Variants in RILPL1 observed in about 807,000 individuals in gnomAD.
RILPL1 encodes Rab interacting lysosomal protein like 1, also known as RILP-like protein 1.
Under a neutral mutation model 50.3 loss-of-function variants are expected in RILPL1, and 33 were observed. The ratio of observed to expected loss-of-function variants is 0.66; its 90% CI spans 0.50 to 0.88. RILPL1 has a LOEUF of 0.88. Among genes scored for constraint, RILPL1 ranks in the 40% least tolerant of loss-of-function variants. The pLI, the probability that RILPL1 is intolerant of heterozygous loss-of-function variation, is 0.00. For missense variants in RILPL1, 418 were observed against 542.5 expected (o/e 0.77, Z 2.28); for synonymous variants, 205 against 228.6 (o/e 0.90, Z 0.93).
Position 123,533,100 on chromosome 12 carries a change from C to G in RILPL1, c.309+74G>C. 7.2e-7 allele frequency: 1 copy of G among 1,383,432 alleles called. No homozygotes were observed. The highest frequency in any genetic ancestry group is 1.4e-5 in the South Asian group (1 of 71,880). The allele number at this position is 1,383,432 out of a possible 1,614,324, so 85.7% of individuals were successfully genotyped here. A position where few individuals can be genotyped will look rare whatever the true frequency, so the allele number is the denominator to read the frequency against. ...AACACACACACGTGCGCACCCACAG[C>G]TGCCCAATGCGGAAGAGCCCTTGGG... On this transcript the variant is annotated intron_variant, in intron 1 of 6. Coordinates refer to ENST00000376874, the MANE Select transcript of RILPL1 (RefSeq NM_178314.5). The surrounding 1 kb of genome is among the most constrained non-coding windows in gnomAD (Gnocchi z 6.2).
rs986748369 is a variant in RILPL1, at chr12:123,533,468, C to A, written c.15G>T (p.Arg5=). MEEE[R]GSALAAESAL... is the part of the protein sequence containing the mutation. ...CCGACTCGGCCGCCAGCGCCGACCC[C>A]CGCTCCTCCTCCATGGCCACCCTCC... The change falls in exon 1 of 7, where the codon CGG becomes CGT. Residue 5 remains arginine (R), a synonymous_variant. Coordinates refer to ENST00000376874, the MANE Select transcript of RILPL1 (RefSeq NM_178314.5). The surrounding 1 kb of genome is among the most constrained non-coding windows in gnomAD (Gnocchi z 6.2). The A allele has an allele frequency of 3.9e-6, 6 of 1,527,126 alleles. No individual in the cohort carries two copies. Among genetic ancestry groups the A allele is most frequent in the East Asian group, 4.9e-5 (2 of 40,438 alleles). 94.6% of individuals were successfully genotyped at this position (1,527,126 alleles called of 1,614,324 possible).
intron 2 of RILPL1, among the ~76,000 whole-genome samples, chr12:123,504,839 C>T (rs534942667): frequency 1.3e-5 from 2 of 152,154 alleles, no homozygotes; most frequent in African/African-American, 2.4e-5. Context: ...CTCCAGATCC[C>T]GTGTCTTCTC....
intron 2 of RILPL1, among the ~76,000 whole-genome samples, chr12:123,509,189 A>G (rs1253011224): frequency 6.6e-6 from 1 of 152,158 alleles, no homozygotes; most frequent in African/African-American, 2.4e-5. Flanking sequence ...AGTGGAAGCA[A>G]GCTAAATGTC....
At chr12:123,506,357 A>G (rs28497891) in intron 2 of RILPL1, among the ~76,000 whole-genome samples, 45,690 of 152,154 alleles carry the variant, frequency 0.3, 8,099 homozygotes, top group African/African-American at 0.49. Context: ...GCCTTAAGGC[A>G]TGGGTCAGGG....
At chr12:123,497,833 T>C (rs569939896) in intron 4 of RILPL1, among the ~76,000 whole-genome samples, 8 of 152,316 alleles carry the variant, frequency 5.3e-5, no homozygotes, top group African/African-American at 1.4e-4. Flanking sequence ...GGATTACAAG[T>C]GCAGGTGACC....
intron 6 of RILPL1, among the ~76,000 whole-genome samples, chr12:123,479,680 C>T (rs917503009): frequency 4.6e-5 from 7 of 152,198 alleles, no homozygotes; most frequent in Admixed American, 3.9e-4. Context: ...TCCCAGTTAT[C>T]CCCCAGCAAG....
intron 2 of RILPL1, among the ~76,000 whole-genome samples, chr12:123,503,602 G>A (rs1324714440): frequency 6.6e-6 from 1 of 151,920 alleles, no homozygotes; most frequent in East Asian, 1.9e-4. Flanking sequence ...GTGGTCCCGT[G>A]GCCTTCTCCT....
In RILPL1 at chr12:123,475,708, T is replaced by C. The variant is rs748245538; in HGVS notation, c.1068-3026A>G. ...CAGGCTGCAGTGTGGGGTCATCTAT[T>C]ATCAGTCCCGCTGCTACCATAGGCA... is the stretch of plus-strand genomic sequence containing the variant. On this transcript the variant is annotated intron_variant, in intron 6 of 6. Transcript: ENST00000376874. 17 of 1,594,282 alleles carry C rather than the reference T, an allele frequency of 1.1e-5. No individual in the cohort carries two copies. The East Asian group carries it at 3.8e-4, about 36-fold the overall frequency.
At chr12:123,505,792 T>C (rs1384829342) in intron 2 of RILPL1, among the ~76,000 whole-genome samples, 1 of 152,100 alleles carries the variant, frequency 6.6e-6, no homozygotes, top group African/African-American at 2.4e-5. Context: ...TGGCTCGTTT[T>C]TGAATCTTTT....
At chr12:123,477,927 C>T (rs1326224663) in intron 6 of RILPL1, among the ~76,000 whole-genome samples, 1 of 148,366 alleles carries the variant, frequency 6.7e-6, no homozygotes, top group Non-Finnish European at 1.5e-5. Flanking sequence ...CAGGGGGTGA[C>T]CAATGCTCGG....
intron 6 of RILPL1, among the ~76,000 whole-genome samples, chr12:123,482,268 G>A (rs562749209): frequency 6.6e-6 from 1 of 152,276 alleles, no homozygotes; most frequent in South Asian, 2.1e-4. Flanking sequence ...GGGATCTAGA[G>A]GAAGCTTTTC....
chr12:123,532,363 G>A (rs780278396), intron 1 of RILPL1, among the ~76,000 whole-genome samples: 1 of 152,124 alleles, frequency 6.6e-6, no homozygotes, highest in Non-Finnish European at 1.5e-5. Context: ...AGAGACTCCT[G>A]ATCACAGGGC....
At chr12:123,484,360 A>AGAG (rs1882193003) in intron 5 of RILPL1, 88 bp from the exon 6 acceptor site, 1 of 906,220 alleles carries the variant, frequency 1.1e-6, no homozygotes, top group Non-Finnish European at 1.8e-6. Flanking sequence ...TGATGGTCTG[A>AGAG]GAGGGTGCAT....
Position 123,485,494 on chromosome 12 carries a change from T to C in RILPL1, c.974+139A>G, listed in dbSNP as rs564912132. 3.9e-6 allele frequency: 3 copies of C among 765,874 alleles called. No individual in the cohort carries two copies. The highest frequency in any genetic ancestry group is 2.7e-5 in the East Asian group (1 of 37,174). The allele number at this position is 765,874 out of a possible 1,614,324, so 47.4% of individuals were successfully genotyped here. A position where few individuals can be genotyped will look rare whatever the true frequency, so the allele number is the denominator to read the frequency against. ...AGGGGTTGTGAGCTTGTATGTAAGT[T>C]CTTTAGGCCAGAGAGGGTACCCAAA... is the stretch of plus-strand genomic sequence containing the variant. On this transcript the variant is annotated intron_variant, in intron 5 of 6. Transcript: ENST00000376874. The surrounding 1 kb of genome is among the most constrained non-coding windows in gnomAD (Gnocchi z 4.0).
chr12:123,532,680 C>A (rs1406811967), intron 1 of RILPL1, among the ~76,000 whole-genome samples: 1 of 121,404 alleles, frequency 8.2e-6, no homozygotes, highest in Non-Finnish European at 1.6e-5. Flanking sequence ...CTGGAGGTCA[C>A]ATTCCCTTTG....
rs1266929126 is a variant in RILPL1, at chr12:123,533,586, G to A, written c.-104C>T. 31 of 992,952 alleles carry A rather than the reference G, an allele frequency of 3.1e-5. No individual in the cohort carries two copies. The highest frequency in any genetic ancestry group is 3.8e-5 in the Non-Finnish European group (30 of 782,698). The allele number at this position is 992,952 out of a possible 1,614,324, so 61.5% of individuals were successfully genotyped here. On this transcript the variant is annotated 5_prime_UTR_variant, in exon 1 of 7. Transcript: ENST00000376874. The surrounding 1 kb of genome is among the most constrained non-coding windows in gnomAD (Gnocchi z 6.2). ...CGGGCCCAGCCTGGGCCGCGGGCGG[G>A]CGCGCTCAGCGGGCGCTGGGGCGAG...
chr12:123,475,860 G>A (rs545704445), intron 6 of RILPL1: 14 of 666,042 alleles, frequency 2.1e-5, no homozygotes, highest in African/African-American at 5.5e-5. Context: ...CTAAGTTAGC[G>A]GTTGAATTGT....
In RILPL1 at chr12:123,484,284, T is replaced by G; in HGVS notation, c.975-12A>C. 6.5e-7 allele frequency: 1 copy of G among 1,534,042 alleles called. No individual in the cohort carries two copies. The highest frequency in any genetic ancestry group is 9.0e-7 in the Non-Finnish European group (1 of 1,107,342). On this transcript the variant is annotated splice_polypyrimidine_tract_variant and intron_variant, in intron 5 of 6. Transcript: ENST00000376874. ...CTTCCATTTCTTCACTGGAAGGAGA[T>G]GAGAGGCGTGAGATAAAAGAGTCAA...
intron 4 of RILPL1, among the ~76,000 whole-genome samples, chr12:123,488,363 C>A (rs1882477141): frequency 6.6e-6 from 1 of 151,508 alleles, no homozygotes; most frequent in East Asian, 1.9e-4. Context: ...ATCACCTGAG[C>A]CCAGGAAGTG....
Sources: gnomAD v4.1 joint callset for allele counts (sites outside exome capture counted in the v4.1 genomes callset) on GRCh38, gnomAD v4.1.1 for gene constraint, Gnocchi (gnomAD v3.1) non-coding constraint, MANE v1.5 for transcripts, NCBI Gene and HGNC (gene_info 2026-07-23, HGNC 2026-07-21) for gene names.